The following ADAMTS17 variants were observed in gnomAD, a reference collection of about 807,000 sequenced individuals.
ADAMTS17 encodes the protein A disintegrin and metalloproteinase with thrombospondin motifs 17.
Under a neutral mutation model 141.5 loss-of-function variants are expected in ADAMTS17, and 113 were observed. That is an observed-to-expected ratio of 0.80 (90% CI 0.69 to 0.93). ADAMTS17 has a LOEUF of 0.93. ADAMTS17 is among the 40% of genes least tolerant of loss of function. The probability of loss-of-function intolerance (pLI) is 0.00; values close to 1 mark genes in which losing one functional copy is unlikely to be tolerated. For missense variants in ADAMTS17, 1,659 were observed against 1,517.9 expected, an observed-to-expected ratio of 1.09 and a Z score of -1.54; for synonymous variants, 768 against 630.6, an observed-to-expected ratio of 1.22 and a Z score of -3.27.
intron 12 of ADAMTS17, among the ~76,000 whole-genome samples, chr15:100,124,256 C>G (rs1443574799): frequency 1.3e-5 from 2 of 152,182 alleles, no homozygotes; most frequent in African/African-American, 4.8e-5. Context: ...ATGAGCCACT[C>G]TGCCAGGCCT....
intron 7 of ADAMTS17, among the ~76,000 whole-genome samples, chr15:100,203,487 T>C (rs996836014): frequency 6.6e-6 from 1 of 152,144 alleles, no homozygotes; most frequent in African/African-American, 2.4e-5. Flanking sequence ...AGGCGGATCA[T>C]GAGGTCAGGA....
At position 99,983,212 on chromosome 15, in the gene ADAMTS17, C is replaced by T. The variant is rs113629160; in HGVS notation, c.2950-6990G>A. 9.7e-4 allele frequency among the ~76,000 whole-genome samples: 147 copies of T among 152,256 alleles called. 1 individual carries two copies. The highest frequency in any genetic ancestry group is 3.2e-3 in the African/African-American group (135 of 41,562). On this transcript the variant is annotated intron_variant, in intron 20 of 21. Transcript: ENST00000268070. The stretch of plus-strand genomic sequence containing the variant: ...TGCCTGTCTGCTGTGTACGGGGGAC[C>T]GGGCTTACGTACGAGCTTGTTAATC...
chr15:100,249,570 C>T (rs1201901097), intron 7 of ADAMTS17, among the ~76,000 whole-genome samples: 2 of 152,158 alleles, frequency 1.3e-5, no homozygotes, highest in Non-Finnish European at 2.9e-5. Flanking sequence ...CAGGCCTTGC[C>T]ACTAACTTCT....
chr15:100,201,182 C>G (rs931377458), intron 7 of ADAMTS17, among the ~76,000 whole-genome samples: 1 of 152,192 alleles, frequency 6.6e-6, no homozygotes, highest in Non-Finnish European at 1.5e-5. Flanking sequence ...CCACCCAAAT[C>G]TCATCTCAAA....
Position 100,262,426 on chromosome 15 carries a change from T to C in ADAMTS17, c.799A>G (p.Met267Val), listed in dbSNP as rs1444130761. 3.7e-6 allele frequency: 6 copies of C among 1,613,266 alleles called. No individual in the cohort carries two copies. The Admixed American group carries it at 5.0e-5, about 13-fold the overall frequency. ...ATCCCCAGGCTCTGGTGCTGAAACATATTGTATACCTATCAAGACAGAAAA... is the reference window on the plus strand; with the variant it reads ...ATCCCCAGGCTCTGGTGCTGAAACACATTGTATACCTATCAAGACAGAAAA... ...ILTVMNMVYN[M>V]FQHQSLGIKI... Residue 267 changes from methionine (M) to valine (V), a missense_variant, in exon 5 of 22, where the codon ATG (methionine) becomes GTG (valine). Coordinates refer to ENST00000268070, the MANE Select transcript of ADAMTS17 (RefSeq NM_139057.4).
intron 15 of ADAMTS17, among the ~76,000 whole-genome samples, chr15:100,077,983 T>C (rs2034493596): frequency 6.6e-6 from 1 of 151,482 alleles, no homozygotes; most frequent in Non-Finnish European, 1.5e-5. Flanking sequence ...AAATGAAATT[T>C]AAAAACAATT....
rs1353025356 is a variant in ADAMTS17, at chr15:100,335,045, C to T, written c.451-3991G>A. 3.3e-5 allele frequency among the ~76,000 whole-genome samples: 5 copies of T among 152,098 alleles called. No homozygotes were observed. In the East Asian group the frequency reaches 9.7e-4, roughly 29 times the overall value. ...CCTCCATCGCCTCTCAGCCAGTGACCCTCAGAGTGCCCTCCCAGGACGGCA... is the reference window on the plus strand; with the variant it reads ...CCTCCATCGCCTCTCAGCCAGTGACTCTCAGAGTGCCCTCCCAGGACGGCA... On this transcript the variant is annotated intron_variant, in intron 2 of 21. Coordinates refer to ENST00000268070, the MANE Select transcript of ADAMTS17 (RefSeq NM_139057.4).
chr15:100,329,124 T>C (rs1372049447), intron 3 of ADAMTS17, among the ~76,000 whole-genome samples: 6 of 152,074 alleles, frequency 3.9e-5, no homozygotes, highest in Non-Finnish European at 8.8e-5. Context: ...TGTTAAAGCT[T>C]CCCAGGTGAT....
At chr15:100,047,071 A>G (rs543479628) in intron 18 of ADAMTS17, among the ~76,000 whole-genome samples, 7 of 152,126 alleles carry the variant, frequency 4.6e-5, no homozygotes, top group East Asian at 1.9e-4. Flanking sequence ...GTAGGCCTCT[A>G]AAATGGCCCC....
intron 7 of ADAMTS17, among the ~76,000 whole-genome samples, chr15:100,240,293 C>A (rs1280972559): frequency 6.6e-6 from 1 of 152,342 alleles, no homozygotes; most frequent in African/African-American, 2.4e-5. Context: ...GAGCAGCAAT[C>A]TCTCTGCTGC....
At chr15:100,005,031 C>T (rs2061011356) in intron 18 of ADAMTS17, among the ~76,000 whole-genome samples, 1 of 152,242 alleles carries the variant, frequency 6.6e-6, no homozygotes, top group Non-Finnish European at 1.5e-5. Flanking sequence ...GCTGGGATTA[C>T]AGGCATGAGC....
intron 15 of ADAMTS17, among the ~76,000 whole-genome samples, chr15:100,057,623 G>A (rs1032912673): frequency 6.6e-6 from 1 of 152,154 alleles, no homozygotes; most frequent in African/African-American, 2.4e-5. Flanking sequence ...GGTACCCAGG[G>A]TTTCTCCTGG....
At position 100,109,971 on chromosome 15, in the gene ADAMTS17, G is replaced by A. The variant is rs543978398; in HGVS notation, c.1889-855C>T. Among the ~76,000 whole-genome samples the A allele has an allele frequency of 1.6e-3, 245 of 152,064 alleles. 1 individual carries two copies. Among genetic ancestry groups the A allele is most frequent in the African/African-American group, 5.6e-3 (232 of 41,462 alleles). ...AGCATCTGCCTGTTGTCCTAGAATT[G>A]TTTGGGCACCTCCCATATCTGAAGG... On this transcript the variant is annotated intron_variant, in intron 13 of 21. Transcript: ENST00000268070.
At chr15:100,143,588 T>C (rs1298313108) in intron 10 of ADAMTS17, among the ~76,000 whole-genome samples, 3 of 152,230 alleles carry the variant, frequency 2.0e-5, no homozygotes, top group Non-Finnish European at 4.4e-5. Context: ...TTGCAACAAA[T>C]GCCAGTTGTT....
At chr15:100,286,102 C>A (rs903306797) in intron 3 of ADAMTS17, among the ~76,000 whole-genome samples, 1 of 152,172 alleles carries the variant, frequency 6.6e-6, no homozygotes, top group African/African-American at 2.4e-5. Context: ...CCAGCCTCCA[C>A]CGACGCGACC....
At chr15:100,249,406 C>T (rs556951684) in intron 7 of ADAMTS17, among the ~76,000 whole-genome samples, 29 of 152,314 alleles carry the variant, frequency 1.9e-4, no homozygotes, top group African/African-American at 5.5e-4. Flanking sequence ...ATGCATTCTT[C>T]GTGGGAGGTG....
At chr15:100,086,355 T>C (rs13380238) in intron 15 of ADAMTS17, among the ~76,000 whole-genome samples, 2 of 147,330 alleles carry the variant, frequency 1.4e-5, no homozygotes, top group African/African-American at 2.7e-5. Flanking sequence ...AGCAAGTCCT[T>C]AGTGACTAGA....
chr15:100,052,169 CTA>C (rs996476042), intron 16 of ADAMTS17, among the ~76,000 whole-genome samples: 1 of 152,264 alleles, frequency 6.6e-6, no homozygotes, highest in Non-Finnish European at 1.5e-5. Flanking sequence ...TGGGGTGACT[CTA>C]TTTCTTTGGA....
intron 16 of ADAMTS17, among the ~76,000 whole-genome samples, chr15:100,052,964 A>T (rs992920682): frequency 2.6e-5 from 4 of 152,226 alleles, no homozygotes; most frequent in Non-Finnish European, 5.9e-5. Context: ...CCTCCTCAGG[A>T]GATTCCCTGG....
Sources: allele counts gnomAD v4.1 joint callset (sites outside exome capture counted in the v4.1 genomes callset), GRCh38; gene constraint gnomAD v4.1.1; transcripts MANE v1.5; gene names NCBI Gene and HGNC (gene_info 2026-07-23, HGNC 2026-07-21).